Variants in PCDHGB6 observed in about 807,000 individuals in gnomAD.
The protein encoded by PCDHGB6 is protocadherin gamma-B6.
A neutral mutation model predicts 59.1 loss-of-function variants in PCDHGB6; 51 were observed. The ratio of observed to expected loss-of-function variants is 0.86; its 90% confidence interval spans 0.69 to 1.09. The LOEUF (loss-of-function observed/expected upper bound fraction) is 1.09, where lower values mean the gene tolerates loss of function less well. PCDHGB6 is among the 50% of genes least tolerant of loss of function. PCDHGB6 has a pLI of 0.00. For missense variants in PCDHGB6, 1,148 were observed against 1,205.1 expected (o/e 0.95, Z 0.70); for synonymous variants, 466 against 495.1 (o/e 0.94, Z 0.78).
At position 141,430,677 on chromosome 5, in the gene PCDHGB6, T is replaced by C. The variant is rs888907330; in HGVS notation, c.2418+20057T>C. On this transcript the variant is annotated intron_variant, in intron 1 of 3. Coordinates refer to ENST00000520790, the MANE Select transcript of PCDHGB6 (RefSeq NM_018926.3). ...AACGGAGGAGCTCTGACTTCCCAAC[T>C]GTCCCATTCTATGGGCGAAGGAACT... 1.2e-5 allele frequency: 15 copies of C among 1,303,020 alleles called. No individual in the cohort carries two copies. In the African/African-American group the frequency reaches 2.1e-4, roughly 18 times the overall value. The allele number at this position is 1,303,020 out of a possible 1,614,324, so 80.7% of individuals were successfully genotyped here. A position where few individuals can be genotyped will look rare whatever the true frequency, so the allele number is the denominator to read the frequency against.
intron 1 of PCDHGB6, among the ~76,000 whole-genome samples, chr5:141,464,221 C>T (rs570804761): frequency 2.9e-4 from 44 of 149,624 alleles, no homozygotes; most frequent in African/African-American, 9.6e-4. Flanking sequence ...GCTGAGATTG[C>T]GCCACTGCAC....
At chr5:141,500,215 T>G (rs888740312) in intron 2 of PCDHGB6, among the ~76,000 whole-genome samples, 8 of 150,660 alleles carry the variant, frequency 5.3e-5, no homozygotes, top group African/African-American at 1.9e-4. Context: ...TTTATTTATT[T>G]ATTTATTTAT....
chr5:141,504,474 G>A (rs903417314), intron 2 of PCDHGB6, among the ~76,000 whole-genome samples: 1 of 152,066 alleles, frequency 6.6e-6, no homozygotes, highest in African/African-American at 2.4e-5. Context: ...TGGGATGGGA[G>A]TACAGTGGAG....
intron 1 of PCDHGB6, chr5:141,427,790 C>G: frequency 6.7e-7 from 1 of 1,482,224 alleles, no homozygotes; most frequent in South Asian, 1.1e-5. Flanking sequence ...TGTCGTCCTA[C>G]GTGTCCGTGA....
At position 141,408,105 on chromosome 5, in the gene PCDHGB6, G is replaced by A. The variant is rs566753835; in HGVS notation, c.-98G>A. 1.5e-5 allele frequency: 22 copies of A among 1,439,788 alleles called. No individual in the cohort carries two copies. The highest frequency in any genetic ancestry group is 8.2e-5 in the Admixed American group (3 of 36,556). The allele number at this position is 1,439,788 out of a possible 1,614,324, so 89.2% of individuals were successfully genotyped here. A position where few individuals can be genotyped will look rare whatever the true frequency, so the allele number is the denominator to read the frequency against. Reference sequence around the variant, plus strand: ...CAGCGGATTGCCAGCTCCGAGACCCGGGACTCCTCCTGTCCTGGGCCGAAT... The same window carrying A: ...CAGCGGATTGCCAGCTCCGAGACCCAGGACTCCTCCTGTCCTGGGCCGAAT... On this transcript the variant is annotated 5_prime_UTR_variant, in exon 1 of 4. Coordinates refer to ENST00000520790, the MANE Select transcript of PCDHGB6 (RefSeq NM_018926.3).
rs773806211 is a variant in PCDHGB6 at position 141,410,018 on chromosome 5, T to C, written c.1816T>C (p.Tyr606His). The C allele has an allele frequency of 6.2e-7, 1 of 1,613,166 alleles. No individual in the cohort carries two copies. Among genetic ancestry groups the C allele is most frequent in the African/African-American group, 1.3e-5 (1 of 74,938 alleles). ...ADSGHNAWLS[Y>H]HVLQASEPGL... ...CTCGGGACACAACGCCTGGCTGTCC[T>C]ACCACGTGCTGCAGGCCAGTGAGCC... The change falls in exon 1 of 4, where the codon TAC becomes CAC. Residue 606 changes from tyrosine to histidine, a missense_variant. Around this residue, in one of 5 missense-constraint regions of PCDHGB6, gnomAD observed 549 missense variants for 527.5 expected, o/e 1.04. Coordinates refer to ENST00000520790, the MANE Select transcript of PCDHGB6 (RefSeq NM_018926.3).
intron 1 of PCDHGB6, chr5:141,441,801 G>A (rs954094882): frequency 7.8e-6 from 3 of 384,492 alleles, no homozygotes; most frequent in African/African-American, 4.4e-5. Flanking sequence ...CGCACCGCGG[G>A]TGCTGTACCC....
chr5:141,435,990 T>C (rs1175877769), intron 1 of PCDHGB6, among the ~76,000 whole-genome samples: 1 of 152,162 alleles, frequency 6.6e-6, no homozygotes, highest in Non-Finnish European at 1.5e-5. Flanking sequence ...TTGTGTGATT[T>C]TTTGAAAGAA....
intron 1 of PCDHGB6, among the ~76,000 whole-genome samples, chr5:141,444,000 A>T (rs2098413157): frequency 6.6e-6 from 1 of 152,070 alleles, no homozygotes; most frequent in African/African-American, 2.4e-5. Context: ...TTTAAATGCT[A>T]CCTGGGTATT....
chr5:141,449,916 T>C (rs1453191109), intron 1 of PCDHGB6, among the ~76,000 whole-genome samples: 1 of 151,912 alleles, frequency 6.6e-6, no homozygotes, highest in East Asian at 1.9e-4. Context: ...CATATTTAAA[T>C]TCTACCATAC....
intron 1 of PCDHGB6, chr5:141,441,387 G>A (rs2098243952): frequency 6.5e-6 from 1 of 153,712 alleles, no homozygotes; most frequent in Non-Finnish European, 1.5e-5. Flanking sequence ...CAGACCCAAG[G>A]TATAACATCA....
intron 1 of PCDHGB6, among the ~76,000 whole-genome samples, chr5:141,434,766 A>T (rs1383531828): frequency 1.3e-5 from 2 of 151,012 alleles, no homozygotes; most frequent in Non-Finnish European, 3.0e-5. Context: ...CCCACTTCAC[A>T]CTTCTAAAAA....
intron 2 of PCDHGB6, among the ~76,000 whole-genome samples, chr5:141,497,016 C>G (rs1384415729): frequency 6.6e-6 from 1 of 152,056 alleles, no homozygotes; most frequent in East Asian, 1.9e-4. Context: ...TGGTGAAACC[C>G]CATCTCGATT....
At position 141,431,338 on chromosome 5, in the gene PCDHGB6, A is replaced by G; in HGVS notation, c.2418+20718A>G. On this transcript the variant is annotated intron_variant, in intron 1 of 3. Transcript: ENST00000520790. This position sits in a 1 kb window ranked among gnomAD's most constrained non-coding sequence, Gnocchi z 4.8. ...GAGCCGACGGTAGTAAGTACCCCGA[A>G]TTGGTGCTGAAACGCGCCCTGGACC... 1 of 1,614,068 alleles carries G rather than the reference A, an allele frequency of 6.2e-7. No homozygotes were observed. The highest frequency in any genetic ancestry group is 8.5e-7 in the Non-Finnish European group (1 of 1,180,032).
At chr5:141,437,459 C>T (rs749625924) in intron 1 of PCDHGB6, among the ~76,000 whole-genome samples, 1 of 152,140 alleles carries the variant, frequency 6.6e-6, no homozygotes, top group Admixed American at 6.5e-5. Context: ...GGAGACTATA[C>T]TATACTTTTA....
intron 1 of PCDHGB6, among the ~76,000 whole-genome samples, chr5:141,449,229 A>G (rs1356585763): frequency 1.3e-5 from 2 of 152,142 alleles, no homozygotes; most frequent in South Asian, 2.1e-4. Context: ...AATGATTTCA[A>G]ATTTTCAAAG....
At chr5:141,496,760 G>A (rs144857340) in intron 2 of PCDHGB6, among the ~76,000 whole-genome samples, 4 of 152,108 alleles carry the variant, frequency 2.6e-5, no homozygotes, top group East Asian at 1.9e-4. Context: ...AATATTTATC[G>A]AGCATCTACT....
intron 1 of PCDHGB6, among the ~76,000 whole-genome samples, chr5:141,450,304 T>C (rs759506660): frequency 1.3e-5 from 2 of 151,906 alleles, no homozygotes; most frequent in African/African-American, 2.4e-5. Flanking sequence ...TGAGCCACCA[T>C]GTGTGGCCTA....
chr5:141,428,194 T>C (rs2097123409), intron 1 of PCDHGB6: 1 of 1,414,108 alleles, frequency 7.1e-7, no homozygotes, highest in Admixed American at 1.8e-5. Flanking sequence ...CGCCGCTCTC[T>C]GCGCCGCTAC....
Sources: allele counts gnomAD v4.1 joint callset (sites outside exome capture counted in the v4.1 genomes callset), GRCh38; gene constraint gnomAD v4.1.1; regional missense constraint gnomAD v4.1.1; non-coding constraint Gnocchi (gnomAD v3.1); transcripts MANE v1.5; gene names NCBI Gene and HGNC (gene_info 2026-07-23, HGNC 2026-07-21).